SNTG2: variants seen among roughly 807,000 people sequenced by gnomAD.
SNTG2 encodes the protein gamma-2-syntrophin.
Under a neutral mutation model 70.9 loss-of-function variants are expected in SNTG2, and 74 were observed. The observed-to-expected ratio is 1.04, with a 90% CI of 0.86 to 1.27. The LOEUF (loss-of-function observed/expected upper bound fraction) is 1.27. Ranked by LOEUF, SNTG2 falls within the 50% of genes most tolerant of loss-of-function variation. SNTG2 has a pLI of 0.00. For missense variants in SNTG2, 717 were observed against 690.7 expected, an observed-to-expected ratio of 1.04 and a Z score of -0.43; for synonymous variants, 278 against 273.8, an observed-to-expected ratio of 1.02 and a Z score of -0.15.
chr2:990,730 T>C (rs1558297906), intron 1 of SNTG2, among the ~76,000 whole-genome samples: 1 of 152,178 alleles, frequency 6.6e-6, no homozygotes, highest in Non-Finnish European at 1.5e-5. Context: ...GCACATTTTA[T>C]TGAACCTGGA....
At chr2:1,243,490 G>A (rs1677182566) in intron 11 of SNTG2, among the ~76,000 whole-genome samples, 1 of 152,178 alleles carries the variant, frequency 6.6e-6, no homozygotes, top group Admixed American at 6.5e-5. Flanking sequence ...CTGCTGCCAT[G>A]CTGGAAAAAG....
At chr2:1,178,635 G>A (rs1200045223) in intron 8 of SNTG2, among the ~76,000 whole-genome samples, 2 of 152,180 alleles carry the variant, frequency 1.3e-5, no homozygotes, top group Non-Finnish European at 2.9e-5. Flanking sequence ...AACCAGGCTT[G>A]CATCCCAGGG....
At chr2:1,110,442 A>G (rs1400670496) in intron 4 of SNTG2, among the ~76,000 whole-genome samples, 1 of 152,118 alleles carries the variant, frequency 6.6e-6, no homozygotes, top group African/African-American at 2.4e-5. Context: ...TGTTCTGCTG[A>G]ATTTGCTGTG....
At chr2:1,359,235 C>G (rs1218218311) in intron 16 of SNTG2, among the ~76,000 whole-genome samples, 1 of 152,130 alleles carries the variant, frequency 6.6e-6, no homozygotes, top group Non-Finnish European at 1.5e-5. Context: ...GTTCACCGAA[C>G]TATCAGAAAT....
intron 1 of SNTG2, among the ~76,000 whole-genome samples, chr2:993,872 T>G (rs564697501): frequency 6.6e-6 from 1 of 152,288 alleles, no homozygotes; most frequent in African/African-American, 2.4e-5. Flanking sequence ...TGTGAGTGTT[T>G]TAAAAATAAT....
intron 6 of SNTG2, among the ~76,000 whole-genome samples, chr2:1,151,435 T>C (rs566758158): frequency 6.6e-6 from 1 of 152,312 alleles, no homozygotes; most frequent in South Asian, 2.1e-4. Context: ...GTTTTCCCGG[T>C]GCTACCTTCT....
At chr2:1,122,388 A>G (rs1033357540) in intron 4 of SNTG2, among the ~76,000 whole-genome samples, 2 of 152,202 alleles carry the variant, frequency 1.3e-5, no homozygotes, top group African/African-American at 4.8e-5. Context: ...GTCCAACAGC[A>G]CATTAGAAAG....
chr2:1,075,574 A>T lies in SNTG2; in HGVS notation c.73-7944A>T, dbSNP rs1663863097. On this transcript the variant is annotated intron_variant, in intron 1 of 16. Coordinates refer to ENST00000308624, the MANE Select transcript of SNTG2 (RefSeq NM_018968.4). Reference sequence around the variant, plus strand: ...AGGGCAGCTGTCATTGTTTCTATGTAGATCTTAGTGGGACACTAACTGAGT... The same window carrying T: ...AGGGCAGCTGTCATTGTTTCTATGTTGATCTTAGTGGGACACTAACTGAGT... Among the ~76,000 whole-genome samples the T allele has an allele frequency of 3.3e-5, 5 of 152,072 alleles. No homozygotes were observed. In the South Asian group the frequency reaches 1.0e-3, roughly 32 times the overall value.
At chr2:1,166,699 G>A (rs1670731012) in intron 7 of SNTG2, among the ~76,000 whole-genome samples, 1 of 152,168 alleles carries the variant, frequency 6.6e-6, no homozygotes, top group Non-Finnish European at 1.5e-5. Flanking sequence ...AGGCACTCCT[G>A]TTCTTGCACC....
chr2:1,289,582 C>T (rs544357129), intron 14 of SNTG2, among the ~76,000 whole-genome samples: 9 of 152,298 alleles, frequency 5.9e-5, no homozygotes, highest in South Asian at 2.1e-4. Context: ...AAAATAGTCA[C>T]GGGCCATACT....
At chr2:1,347,694 C>G (rs756701109) in intron 16 of SNTG2, among the ~76,000 whole-genome samples, 2 of 152,190 alleles carry the variant, frequency 1.3e-5, no homozygotes, top group Non-Finnish European at 2.9e-5. Context: ...TCTCGCCCAA[C>G]CCTGGGAAGA....
intron 16 of SNTG2, among the ~76,000 whole-genome samples, chr2:1,333,896 C>T (rs1659663020): frequency 6.6e-6 from 1 of 152,090 alleles, no homozygotes; most frequent in South Asian, 2.1e-4. Flanking sequence ...GAGTTCATGA[C>T]CAAGAACCCC....
intron 1 of SNTG2, among the ~76,000 whole-genome samples, chr2:1,070,960 A>G (rs1369963490): frequency 6.6e-6 from 1 of 152,108 alleles, no homozygotes; most frequent in East Asian, 1.9e-4. Context: ...TGTGCATTTA[A>G]CAAATGACAT....
chr2:1,308,371 G>T, intron 14 of SNTG2, 123 bp from the exon 15 acceptor site: 1 of 838,408 alleles, frequency 1.2e-6, no homozygotes, highest in Non-Finnish European at 1.9e-6. Flanking sequence ...TTTGTTCCCC[G>T]TAACTTGCAT....
intron 1 of SNTG2, among the ~76,000 whole-genome samples, chr2:1,012,888 C>T (rs1411963888): frequency 3.7e-5 from 2 of 53,408 alleles, no homozygotes; most frequent in African/African-American, 1.3e-4. Flanking sequence ...TTTATAAGGG[C>T]AGAGAGAAGG....
intron 1 of SNTG2, among the ~76,000 whole-genome samples, chr2:1,020,726 A>G (rs1660119562): frequency 6.6e-6 from 1 of 152,184 alleles, no homozygotes; most frequent in Non-Finnish European, 1.5e-5. Flanking sequence ...TTTAACCTCA[A>G]ACATGTCAAA....
At position 1,290,800 on chromosome 2, in the gene SNTG2, A is replaced by T. The variant is rs544089397; in HGVS notation, c.1285-17694A>T. 4.6e-3 allele frequency among the ~76,000 whole-genome samples: 684 copies of T among 149,654 alleles called. 7 individuals carry two copies. Among genetic ancestry groups the T allele is most frequent in the African/African-American group, 0.015 (642 of 41,488 alleles). On this transcript the variant is annotated intron_variant, in intron 14 of 16. Transcript: ENST00000308624. Reference sequence around the variant, plus strand: ...GTGGACACAGAGCCAAACCATATCAATGGGTGTACAAATCATCTTGTAATG... The same window carrying T: ...GTGGACACAGAGCCAAACCATATCATTGGGTGTACAAATCATCTTGTAATG...
intron 1 of SNTG2, among the ~76,000 whole-genome samples, chr2:1,047,130 G>A (rs1361829347): frequency 6.6e-6 from 1 of 152,024 alleles, no homozygotes; most frequent in Non-Finnish European, 1.5e-5. Flanking sequence ...CCTCAGCTTG[G>A]TGTATTCTGC....
chr2:1,194,961 A>C (rs542279445), intron 8 of SNTG2, among the ~76,000 whole-genome samples: 153 of 152,150 alleles, frequency 1.0e-3, no homozygotes, highest in African/African-American at 3.4e-3. Flanking sequence ...CCCACTTGTG[A>C]GTGAGAACAT....
Sources: gnomAD v4.1 joint callset for allele counts (sites outside exome capture counted in the v4.1 genomes callset) on GRCh38, gnomAD v4.1.1 for gene constraint, MANE v1.5 for transcripts, NCBI Gene and HGNC (gene_info 2026-07-23, HGNC 2026-07-21) for gene names.